Variants in HELZ observed in about 807,000 individuals in gnomAD.
HELZ encodes ATP-dependent RNA helicase with zinc finger domain.
HELZ carries 23 observed loss-of-function variants against 218.2 expected under a neutral mutation model. That is an observed-to-expected ratio of 0.11 (90% confidence interval 0.08 to 0.15). HELZ has a LOEUF of 0.15. Among genes scored for constraint, HELZ ranks in the 10% least tolerant of loss-of-function variants. The probability of loss-of-function intolerance (pLI) is 1.00; values close to 1 mark genes in which losing one functional copy is unlikely to be tolerated. For missense variants in HELZ, 1,813 were observed against 2,353.7 expected (o/e 0.77, Z 4.75); for synonymous variants, 814 against 829.4 (o/e 0.98, Z 0.32).
chr17:67,104,865 T>C (rs2037049602), intron 31 of HELZ, among the ~76,000 whole-genome samples: 1 of 152,186 alleles, frequency 6.6e-6, no homozygotes, highest in Non-Finnish European at 1.5e-5. Flanking sequence ...CTTACGCCTG[T>C]AATCCCAGCA....
At position 67,107,156 on chromosome 17, in the gene HELZ, A is replaced by G; in HGVS notation, c.5241+13T>C. 1 of 1,579,740 alleles carries G rather than the reference A, an allele frequency of 6.3e-7. No homozygotes were observed. The highest frequency in any genetic ancestry group is 8.6e-7 in the Non-Finnish European group (1 of 1,165,110). On this transcript the variant is annotated intron_variant, in intron 31 of 32. Transcript: ENST00000358691. ...ATCAGCTAATAACAAAAGGAAAATA[A>G]GAAGACATTTACCTCTTCTAAGCTA...
At chr17:67,100,076 C>T (rs115594357) in intron 31 of HELZ, among the ~76,000 whole-genome samples, 1,603 of 152,218 alleles carry the variant, frequency 0.011, 30 homozygotes, top group African/African-American at 0.036. Flanking sequence ...TAAGCTATCA[C>T]CATCTATTCC....
chr17:67,224,790 C>T (rs2040846259), intron 3 of HELZ: 13 of 1,179,468 alleles, frequency 1.1e-5, no homozygotes, highest in Non-Finnish European at 1.5e-5. Context: ...ACCAACCCCA[C>T]AAAACGACAC....
In HELZ at chr17:67,216,076, C is replaced by T. The variant is rs962269438; in HGVS notation, c.211-141G>A. On this transcript the variant is annotated intron_variant, in intron 4 of 32. Transcript: ENST00000358691. ...TACTATTCACAGAGCAAAGCTAACA[C>T]ATGTGCCCTCTGAGGATTACAGGGC... is the stretch of plus-strand genomic sequence containing the variant. 3.8e-5 allele frequency: 25 copies of T among 660,994 alleles called. No individual in the cohort carries two copies. The East Asian group carries it at 7.0e-4, about 18-fold the overall frequency. The allele number at this position is 660,994 out of a possible 1,614,324, so 40.9% of individuals were successfully genotyped here.
intron 23 of HELZ, among the ~76,000 whole-genome samples, chr17:67,133,021 A>C (rs865815447): frequency 4.6e-5 from 7 of 152,202 alleles, no homozygotes; most frequent in South Asian, 2.1e-4. Flanking sequence ...TTAATATCTA[A>C]TTAAATTAGT....
intron 5 of HELZ, among the ~76,000 whole-genome samples, chr17:67,212,212 T>G (rs1248108212): frequency 6.8e-6 from 1 of 146,124 alleles, no homozygotes; most frequent in Non-Finnish European, 1.5e-5. Context: ...TCCCAGCTAC[T>G]GGGGAGGCAG....
chr17:67,165,413 G>A (rs2039114287), intron 15 of HELZ, among the ~76,000 whole-genome samples: 1 of 152,040 alleles, frequency 6.6e-6, no homozygotes. Flanking sequence ...TTCCCCTGTC[G>A]GCCAGCTGAA....
At chr17:67,126,774 T>C (rs2037811786) in intron 24 of HELZ, among the ~76,000 whole-genome samples, 1 of 152,176 alleles carries the variant, frequency 6.6e-6, no homozygotes, top group East Asian at 1.9e-4. Context: ...GGCAGAAGAA[T>C]TGCCTAAACC....
intron 3 of HELZ, among the ~76,000 whole-genome samples, chr17:67,236,423 T>G (rs1437719793): frequency 1.3e-5 from 2 of 152,084 alleles, no homozygotes; most frequent in African/African-American, 4.8e-5. Flanking sequence ...ACTCCAAAAT[T>G]TATCCTTAAG....
chr17:67,120,484 A>G lies in HELZ; in HGVS notation c.3759T>C (p.Leu1253=), dbSNP rs1055121665. The G allele has an allele frequency of 8.1e-6, 13 of 1,614,018 alleles. No homozygotes were observed. The highest frequency in any genetic ancestry group is 1.0e-5 in the Non-Finnish European group (12 of 1,179,984). ...CTATGGTGACAGGTGGGTGATGTCC[A>G]AGGCCATAAGGAATAGGAGATCCTC... The part of the protein sequence containing the change: ...HGRGSPIPYG[L]GHHPPVTIGQ... The change falls in exon 27 of 33, where the codon CTT becomes CTC. Residue 1253 remains leucine (L), a synonymous_variant. Transcript: ENST00000358691.
chr17:67,159,062 A>G (rs573888133), intron 17 of HELZ, among the ~76,000 whole-genome samples: 25 of 152,348 alleles, frequency 1.6e-4, no homozygotes, highest in Admixed American at 4.6e-4. Context: ...AAAACAACTT[A>G]TATCATTAAA....
intron 3 of HELZ, among the ~76,000 whole-genome samples, chr17:67,220,862 A>C (rs1307771999): frequency 1.9e-4 from 24 of 127,016 alleles, no homozygotes; most frequent in African/African-American, 4.7e-4. Flanking sequence ...CCCCCCCCCA[A>C]AAAAAAAGAG....
In HELZ at chr17:67,245,137, T is replaced by G. The variant is rs1029736753; in HGVS notation, c.-132+11A>C. 5.1e-6 allele frequency: 5 copies of G among 984,786 alleles called. No homozygotes were observed. The highest frequency in any genetic ancestry group is 1.2e-4 in the East Asian group (1 of 8,668). 61.0% of individuals were successfully genotyped at this position (984,786 alleles called of 1,614,324 possible). On this transcript the variant is annotated intron_variant, in intron 1 of 32. Coordinates refer to ENST00000358691, the MANE Select transcript of HELZ (RefSeq NM_014877.4). ...GCCCCAGGAGCAGAGAAGGGGGAAG[T>G]CAGGACTTACCTGTCATTACTTTCT...
intron 32 of HELZ, among the ~76,000 whole-genome samples, chr17:67,085,554 G>GT (rs11420818): frequency 0.67 from 101,166 of 151,242 alleles, 35,101 homozygotes; most frequent in East Asian, 0.87. Context: ...GCTTTTAAAT[G>GT]TTTTTTTTTA....
chr17:67,083,132 C>A (rs1035505612), intron 32 of HELZ, among the ~76,000 whole-genome samples: 1 of 151,906 alleles, frequency 6.6e-6, no homozygotes, highest in African/African-American at 2.4e-5. Flanking sequence ...GCTGGGATTA[C>A]AGGTGTGAGC....
intron 13 of HELZ, chr17:67,173,023 TC>T: frequency 1.0e-6 from 1 of 980,012 alleles, no homozygotes; most frequent in Non-Finnish European, 1.2e-6. Context: ...AACAAGAGAA[TC>T]CTCTTGTGAC....
At chr17:67,136,347 G>A (rs1394020897) in intron 22 of HELZ, 149 bp from the exon 23 acceptor site, 5 of 625,762 alleles carry the variant, frequency 8.0e-6, no homozygotes. Context: ...CACTGCTGGT[G>A]AGAATGTCCA....
chr17:67,220,160 T>C (rs2040707020), intron 3 of HELZ, among the ~76,000 whole-genome samples: 1 of 152,310 alleles, frequency 6.6e-6, no homozygotes, highest in South Asian at 2.1e-4. Context: ...GCTTTTATAA[T>C]GACACATGGG....
intron 3 of HELZ, among the ~76,000 whole-genome samples, chr17:67,221,734 A>C (rs1276298624): frequency 6.6e-6 from 1 of 152,218 alleles, no homozygotes; most frequent in Non-Finnish European, 1.5e-5. Flanking sequence ...ACTTAAAAGA[A>C]TGCCTGGGAC....
Sources: allele counts gnomAD v4.1 joint callset (sites outside exome capture counted in the v4.1 genomes callset), GRCh38; gene constraint gnomAD v4.1.1; transcripts MANE v1.5; gene names NCBI Gene and HGNC (gene_info 2026-07-23, HGNC 2026-07-21).